MICU1: variants seen among roughly 807,000 people sequenced by gnomAD.
The protein encoded by MICU1 is calcium uptake protein 1, mitochondrial.
Under a neutral mutation model 56.8 loss-of-function variants are expected in MICU1, and 45 were observed. The ratio of observed to expected loss-of-function variants is 0.79; its 90% CI spans 0.62 to 1.02. The LOEUF (loss-of-function observed/expected upper bound fraction) is 1.02. MICU1 is among the 50% of genes least tolerant of loss of function. The probability of loss-of-function intolerance (pLI) is 0.00; values close to 1 mark genes in which losing one functional copy is unlikely to be tolerated. For synonymous variants in MICU1, 186 were observed against 195.1 expected, an observed-to-expected ratio of 0.95 and a Z score of 0.39; for missense variants, 504 against 587.1, an observed-to-expected ratio of 0.86 and a Z score of 1.46.
At chr10:72,496,070 G>A (rs114345584) in intron 6 of MICU1, among the ~76,000 whole-genome samples, 4,121 of 151,766 alleles carry the variant, frequency 0.027, 182 homozygotes, top group African/African-American at 0.096. Context: ...GGTCTCAAGC[G>A]ATCCTCCCAC....
intron 4 of MICU1, among the ~76,000 whole-genome samples, chr10:72,537,531 T>C (rs148080756): frequency 7.5e-4 from 115 of 152,356 alleles, no homozygotes; most frequent in African/African-American, 2.7e-3. Context: ...ATGTTTCCTA[T>C]GGTTTTTAAA....
chr10:72,425,734 GTC>G (rs1171633655), intron 8 of MICU1, among the ~76,000 whole-genome samples: 1 of 152,088 alleles, frequency 6.6e-6, no homozygotes, highest in Non-Finnish European at 1.5e-5. Flanking sequence ...TATTTCTGAG[GTC>G]TTAAACATGG....
At chr10:72,382,252 G>A (rs1375876814) in intron 10 of MICU1, among the ~76,000 whole-genome samples, 1 of 151,102 alleles carries the variant, frequency 6.6e-6, no homozygotes. Flanking sequence ...TGGGATTACA[G>A]GTGCCTGCCA....
Position 72,521,364 on chromosome 10 carries a change from T to A in MICU1, c.537+12382A>T, listed in dbSNP as rs1018769460. Among the ~76,000 whole-genome samples, 4 of 151,994 alleles carry A rather than the reference T, an allele frequency of 2.6e-5. No individual in the cohort carries two copies. In the East Asian group the frequency reaches 7.7e-4, roughly 29 times the overall value. ...TTTATAGGTATCCCTTAAGCACCAA[T>A]GACCATTAAAGACAACATTAAAGAC... On this transcript the variant is annotated intron_variant, in intron 5 of 11. Coordinates refer to ENST00000361114, the MANE Select transcript of MICU1 (RefSeq NM_001195518.2).
chr10:72,395,661 C>A (rs367934989), intron 10 of MICU1, among the ~76,000 whole-genome samples: 58 of 152,342 alleles, frequency 3.8e-4, no homozygotes, highest in East Asian at 2.7e-3. Context: ...CCCATGCCCA[C>A]GGAGCCTTGC....
intron 6 of MICU1, among the ~76,000 whole-genome samples, chr10:72,493,899 C>A (rs1866750450): frequency 6.6e-6 from 1 of 152,100 alleles, no homozygotes; most frequent in South Asian, 2.1e-4. Context: ...AAAGGTTTTG[C>A]CAATAATTTA....
chr10:72,454,126 CG>C (rs1865382699), intron 8 of MICU1, among the ~76,000 whole-genome samples: 1 of 152,238 alleles, frequency 6.6e-6, no homozygotes, highest in South Asian at 2.1e-4. Flanking sequence ...GCTACCCCGC[CG>C]GGCCCCAACA....
At chr10:72,400,364 T>G (rs1863411269) in intron 10 of MICU1, among the ~76,000 whole-genome samples, 1 of 152,230 alleles carries the variant, frequency 6.6e-6, no homozygotes, top group African/African-American at 2.4e-5. Flanking sequence ...ATAATTGTTC[T>G]TTAATGAACT....
At chr10:72,549,727 G>T (rs12778560) in intron 4 of MICU1, among the ~76,000 whole-genome samples, 89,831 of 151,688 alleles carry the variant, frequency 0.59, 27,878 homozygotes, top group Non-Finnish European at 0.68. Flanking sequence ...GGTCAGGGGT[G>T]TGAGATCAGC....
intron 10 of MICU1, among the ~76,000 whole-genome samples, chr10:72,387,803 A>C (rs80145922): frequency 0.03 from 4,511 of 151,930 alleles, 219 homozygotes; most frequent in African/African-American, 0.1. Context: ...TTAAAAAAAA[A>C]AACACTTTTT....
At chr10:72,502,693 T>C (rs1409976796) in intron 6 of MICU1, 2 of 152,484 alleles carry the variant, frequency 1.3e-5, no homozygotes, top group East Asian at 3.8e-4. Context: ...TTAGTGTATT[T>C]AGACTGTAAT....
At chr10:72,420,242 G>A (rs1462636008) in intron 9 of MICU1, among the ~76,000 whole-genome samples, 1 of 152,072 alleles carries the variant, frequency 6.6e-6, no homozygotes, top group East Asian at 1.9e-4. Context: ...TGTATTTTTA[G>A]TAGAGAGGGG....
intron 4 of MICU1, among the ~76,000 whole-genome samples, chr10:72,544,003 G>A (rs2132429773): frequency 6.6e-6 from 1 of 152,330 alleles, no homozygotes; most frequent in South Asian, 2.1e-4. Flanking sequence ...CAGGCAGACA[G>A]CTCGGCGCTG....
At chr10:72,455,350 CAAAA>C (rs56378605) in intron 8 of MICU1, among the ~76,000 whole-genome samples, 3,664 of 43,768 alleles carry the variant, frequency 0.084, 121 homozygotes, top group African/African-American at 0.24. Context: ...GACTCTGTCT[CAAAA>C]AAAAAAAAAA....
intron 10 of MICU1, among the ~76,000 whole-genome samples, chr10:72,404,195 G>A (rs1279242293): frequency 6.7e-6 from 1 of 150,094 alleles, no homozygotes; most frequent in Non-Finnish European, 1.5e-5. Context: ...TCACCCTGTT[G>A]GCCAGGCTGG....
At chr10:72,391,389 G>A (rs1055932046) in intron 10 of MICU1, among the ~76,000 whole-genome samples, 2 of 151,980 alleles carry the variant, frequency 1.3e-5, no homozygotes, top group African/African-American at 4.8e-5. Flanking sequence ...TCGAGATCAT[G>A]CCACTGCACT....
chr10:72,524,709 T>G, intron 5 of MICU1: 1 of 1,231,176 alleles, frequency 8.1e-7, no homozygotes. Flanking sequence ...TTAAGTAATT[T>G]AAAGCACATG....
intron 9 of MICU1, among the ~76,000 whole-genome samples, chr10:72,414,793 G>C (rs552730080): frequency 1.2e-3 from 177 of 152,218 alleles, no homozygotes; most frequent in African/African-American, 4.2e-3. Context: ...GCTGTAAAGC[G>C]AGATATCTAA....
intron 4 of MICU1, among the ~76,000 whole-genome samples, chr10:72,544,384 A>G (rs1163779275): frequency 7.2e-5 from 11 of 152,082 alleles, no homozygotes; most frequent in Admixed American, 7.2e-4. Flanking sequence ...CATCCTAGAG[A>G]TAATATGGAG....
Sources: allele counts gnomAD v4.1 joint callset (sites outside exome capture counted in the v4.1 genomes callset), GRCh38; gene constraint gnomAD v4.1.1; transcripts MANE v1.5; gene names NCBI Gene and HGNC (gene_info 2026-07-23, HGNC 2026-07-21).